GRM7: variants seen among roughly 807,000 people sequenced by gnomAD.
GRM7 encodes the protein glutamate metabotropic receptor 7.
A neutral mutation model predicts 84.5 loss-of-function variants in GRM7; 35 were observed. The ratio of observed to expected loss-of-function variants is 0.41; its 90% CI spans 0.32 to 0.55. The LOEUF (loss-of-function observed/expected upper bound fraction) is 0.55, where lower values mean the gene tolerates loss of function less well. Among genes scored for constraint, GRM7 ranks in the 20% least tolerant of loss-of-function variants. The pLI is 0.19. For missense variants in GRM7, 1,003 were observed against 1,194.6 expected (o/e 0.84, Z 2.36); for synonymous variants, 487 against 455.1 (o/e 1.07, Z -0.89).
chr3:7,383,743 A>G (rs1186679165), intron 4 of GRM7, among the ~76,000 whole-genome samples: 4 of 152,198 alleles, frequency 2.6e-5, no homozygotes, highest in Non-Finnish European at 4.4e-5. Flanking sequence ...TCTGCATTCA[A>G]GTCATTCAAA....
chr3:7,071,610 C>A (rs1697886480), intron 1 of GRM7, among the ~76,000 whole-genome samples: 2 of 151,942 alleles, frequency 1.3e-5, no homozygotes, highest in South Asian at 2.1e-4. Flanking sequence ...AGATGTGTCA[C>A]CAAAGGAACC....
intron 2 of GRM7, among the ~76,000 whole-genome samples, chr3:7,186,470 T>A (rs538926113): frequency 6.6e-6 from 1 of 152,354 alleles, no homozygotes; most frequent in East Asian, 1.9e-4. Context: ...GAATAAAAAA[T>A]TTGTTTGTAC....
At chr3:7,208,145 C>T (rs933041876) in intron 2 of GRM7, among the ~76,000 whole-genome samples, 4 of 152,168 alleles carry the variant, frequency 2.6e-5, no homozygotes, top group African/African-American at 9.7e-5. Flanking sequence ...ACATTTCAGC[C>T]ACCCATTCGA....
intron 8 of GRM7, among the ~76,000 whole-genome samples, chr3:7,620,353 A>G (rs527454461): frequency 2.7e-4 from 41 of 152,302 alleles, no homozygotes; most frequent in African/African-American, 8.9e-4. Context: ...TAAGAATTTT[A>G]TCTATTTGCT....
intron 2 of GRM7, among the ~76,000 whole-genome samples, chr3:7,252,684 T>TTC (rs6147696): frequency 3.6e-4 from 42 of 118,172 alleles, no homozygotes; most frequent in South Asian, 5.9e-4. Context: ...TTCTTTTCTT[T>TTC]TTTTCTTTTC....
At chr3:7,198,875 T>C (rs1695971221) in intron 2 of GRM7, among the ~76,000 whole-genome samples, 1 of 152,100 alleles carries the variant, frequency 6.6e-6, no homozygotes, top group Non-Finnish European at 1.5e-5. Flanking sequence ...AGTTTACTCC[T>C]CAAAAGGGTG....
At chr3:7,614,495 A>G (rs943777622) in intron 8 of GRM7, among the ~76,000 whole-genome samples, 11 of 152,040 alleles carry the variant, frequency 7.2e-5, no homozygotes, top group Admixed American at 2.0e-4. Flanking sequence ...TCTTTCTAGC[A>G]TTTTCCTTTC....
intron 2 of GRM7, among the ~76,000 whole-genome samples, chr3:7,165,881 A>G (rs1296184905): frequency 3.3e-5 from 5 of 152,218 alleles, no homozygotes; most frequent in Non-Finnish European, 5.9e-5. Flanking sequence ...TTTTTTCTCA[A>G]TAAATTAGTT....
chr3:7,511,406 T>C (rs1700206224), intron 7 of GRM7, among the ~76,000 whole-genome samples: 1 of 152,140 alleles, frequency 6.6e-6, no homozygotes, highest in African/African-American at 2.4e-5. Flanking sequence ...CCTGGTCACA[T>C]ACAGAGGCTG....
At chr3:7,103,766 C>CTTTCTTTT (rs1366225565) in intron 1 of GRM7, among the ~76,000 whole-genome samples, 1 of 61,056 alleles carries the variant, frequency 1.6e-5, no homozygotes, top group East Asian at 4.5e-4. Context: ...TTCTTTCTTT[C>CTTTCTTTT]TTTCTTTCTT....
Position 7,276,201 on chromosome 3 carries a change from ATATATATGTGTGTGTGTG to A in GRM7, c.737-22481_737-22464del, listed in dbSNP as rs759045744. Among the ~76,000 whole-genome samples the A allele has an allele frequency of 8.4e-3, 1,128 of 134,236 alleles. 16 individuals carry two copies. The highest frequency in any genetic ancestry group is 0.029 in the African/African-American group (1,066 of 36,790). The allele number at this position is 134,236 out of a possible 152,430, so 88.1% of individuals were successfully genotyped here. Reference sequence around the variant, plus strand: ...CCATTATTTTTTAAATTATATATATATATATATGTGTGTGTGTGTGTGTGTGTGTGTGTGTGTGTGTGT... The same window carrying A: ...CCATTATTTTTTAAATTATATATATATGTGTGTGTGTGTGTGTGTGTGTGT... On this transcript the variant is annotated intron_variant, in intron 2 of 9. Coordinates refer to ENST00000357716, the MANE Select transcript of GRM7 (RefSeq NM_000844.4).
intron 4 of GRM7, among the ~76,000 whole-genome samples, chr3:7,371,314 C>T (rs756375971): frequency 1.2e-4 from 18 of 152,282 alleles, no homozygotes; most frequent in South Asian, 2.1e-4. Context: ...AGACAGACTA[C>T]ACTTAGAAAG....
chr3:7,293,612 T>C (rs1171622946), intron 2 of GRM7, among the ~76,000 whole-genome samples: 1 of 152,184 alleles, frequency 6.6e-6, no homozygotes, highest in East Asian at 1.9e-4. Flanking sequence ...ACGGGCAGCA[T>C]CAAACTCTGA....
intron 9 of GRM7, among the ~76,000 whole-genome samples, chr3:7,702,674 C>T (rs1054175147): frequency 1.3e-5 from 2 of 152,100 alleles, no homozygotes; most frequent in Non-Finnish European, 2.9e-5. Flanking sequence ...CACTTAAACA[C>T]GTAAATAATA....
intron 1 of GRM7, among the ~76,000 whole-genome samples, chr3:6,887,684 T>C (rs1249395216): frequency 6.6e-6 from 1 of 152,174 alleles, no homozygotes; most frequent in Non-Finnish European, 1.5e-5. Flanking sequence ...AGTGCTGCAA[T>C]AAACATACGT....
At chr3:7,378,148 G>C (rs1443869979) in intron 4 of GRM7, among the ~76,000 whole-genome samples, 3 of 152,140 alleles carry the variant, frequency 2.0e-5, no homozygotes, top group Non-Finnish European at 4.4e-5. Flanking sequence ...GTGTGGGATG[G>C]CTGCACAGCC....
At chr3:7,024,144 G>C (rs1469525653) in intron 1 of GRM7, among the ~76,000 whole-genome samples, 1 of 152,058 alleles carries the variant, frequency 6.6e-6, no homozygotes, top group Non-Finnish European at 1.5e-5. Flanking sequence ...GTTTCTTTCA[G>C]GCAGCAGTGG....
At chr3:6,942,224 A>C (rs565084571) in intron 1 of GRM7, among the ~76,000 whole-genome samples, 1 of 152,212 alleles carries the variant, frequency 6.6e-6, no homozygotes, top group South Asian at 2.1e-4. Flanking sequence ...ATACTGCCAT[A>C]ATTACTACCA....
chr3:7,223,384 G>A (rs982446744), intron 2 of GRM7, among the ~76,000 whole-genome samples: 1 of 151,634 alleles, frequency 6.6e-6, no homozygotes, highest in African/African-American at 2.4e-5. Flanking sequence ...CAGTTTCTGA[G>A]GCTACTTTTA....
Sources: allele counts gnomAD v4.1 joint callset (sites outside exome capture counted in the v4.1 genomes callset), GRCh38; gene constraint gnomAD v4.1.1; transcripts MANE v1.5; gene names NCBI Gene and HGNC (gene_info 2026-07-23, HGNC 2026-07-21).